The following SPINK5 variants were observed in gnomAD, a reference collection of about 807,000 sequenced individuals.
The protein encoded by SPINK5 is serine protease inhibitor Kazal-type 5.
Under a neutral mutation model 151.8 loss-of-function variants are expected in SPINK5, and 125 were observed. The observed-to-expected ratio is 0.82, with a 90% CI of 0.71 to 0.96. The LOEUF (loss-of-function observed/expected upper bound fraction) is 0.96. Among genes scored for constraint, SPINK5 ranks in the 40% least tolerant of loss-of-function variants. SPINK5 has a pLI of 0.00. For synonymous variants in SPINK5, 374 were observed against 395.3 expected, an observed-to-expected ratio of 0.95 and a Z score of 0.64; for missense variants, 1,194 against 1,291.9, an observed-to-expected ratio of 0.92 and a Z score of 1.16.
intron 28 of SPINK5, 108 bp from the exon 29 acceptor site, chr5:148,125,615 T>G: frequency 6.2e-7 from 1 of 1,614,150 alleles, no homozygotes. Flanking sequence ...ATGAGTACAG[T>G]GAGTCTGAGC....
At position 148,127,209 on chromosome 5, in the gene SPINK5, A is replaced by G. The variant is rs1374044572; in HGVS notation, c.2964+130A>G. The G allele has an allele frequency of 1.7e-5, 12 of 723,962 alleles. No individual in the cohort carries two copies. The Admixed American group carries it at 2.1e-4, about 13-fold the overall frequency. The allele number at this position is 723,962 out of a possible 1,614,324, so 44.8% of individuals were successfully genotyped here. ...ATTCAGTGCAGCCTGAAGTCCTTTG[A>G]GGACTATATGCAGTTTATGCTTGGT... is the stretch of plus-strand genomic sequence containing the variant. On this transcript the variant is annotated intron_variant, in intron 30 of 32. Transcript: ENST00000256084.
At chr5:148,106,380 G>A (rs1399281871) in intron 16 of SPINK5, among the ~76,000 whole-genome samples, 1 of 151,926 alleles carries the variant, frequency 6.6e-6, no homozygotes, top group Non-Finnish European at 1.5e-5. Context: ...GTAGTGTAGT[G>A]GTGCGATCAA....
chr5:148,116,042 G>A (rs958380258), intron 21 of SPINK5, among the ~76,000 whole-genome samples: 1 of 151,902 alleles, frequency 6.6e-6, no homozygotes, highest in Non-Finnish European at 1.5e-5. Flanking sequence ...GACTGGTCTC[G>A]AACTCCTGAC....
At position 148,105,007 on chromosome 5, in the gene SPINK5, T is replaced by G; in HGVS notation, c.1479+7T>G. Reference sequence around the variant, plus strand: ...TAAAAGAGAAGCTGCAAAGGTAATATTCTCAGGAATGCTGATGCTGTGCCC... The same window carrying G: ...TAAAAGAGAAGCTGCAAAGGTAATAGTCTCAGGAATGCTGATGCTGTGCCC... On this transcript the variant is annotated splice_region_variant and intron_variant, in intron 16 of 32. Coordinates refer to ENST00000256084, the MANE Select transcript of SPINK5 (RefSeq NM_006846.4). 1.2e-6 allele frequency: 2 copies of G among 1,613,690 alleles called. No individual in the cohort carries two copies. Among genetic ancestry groups the G allele is most frequent in the Non-Finnish European group, 1.7e-6 (2 of 1,179,678 alleles).
At chr5:148,110,721 C>A (rs58451856) in intron 18 of SPINK5, among the ~76,000 whole-genome samples, 1 of 151,692 alleles carries the variant, frequency 6.6e-6, no homozygotes, top group African/African-American at 2.4e-5. Context: ...CATCACACAC[C>A]GGGGCCTGTT....
intron 16 of SPINK5, among the ~76,000 whole-genome samples, chr5:148,106,274 A>T (rs959947569): frequency 5.3e-5 from 8 of 152,014 alleles, no homozygotes; most frequent in African/African-American, 1.9e-4. Context: ...TTCTCCAGGG[A>T]TCAGACTTAT....
At chr5:148,091,488 T>C (rs915098997) in intron 8 of SPINK5, among the ~76,000 whole-genome samples, 4 of 151,816 alleles carry the variant, frequency 2.6e-5, no homozygotes, top group Non-Finnish European at 4.4e-5. Flanking sequence ...CAAAAGAAGA[T>C]ATAAGATAGA....
intron 26 of SPINK5, among the ~76,000 whole-genome samples, chr5:148,121,143 CAAAAAAAAAA>C (rs767012594): frequency 1.7e-4 from 12 of 68,670 alleles, no homozygotes; most frequent in Middle Eastern, 0.013. Flanking sequence ...GACTCTGTCT[CAAAAAAAAAA>C]AAAAAAAAAA....
intron 31 of SPINK5, among the ~76,000 whole-genome samples, chr5:148,133,502 C>A (rs1045573511): frequency 6.6e-6 from 1 of 152,088 alleles, no homozygotes; most frequent in Non-Finnish European, 1.5e-5. Flanking sequence ...TCTATAAATG[C>A]GAGATCACCT....
At chr5:148,088,844 A>G (rs1753230793) in intron 6 of SPINK5, among the ~76,000 whole-genome samples, 2 of 151,286 alleles carry the variant, frequency 1.3e-5, no homozygotes, top group South Asian at 2.1e-4. Flanking sequence ...ATAAAAAAAA[A>G]AAGAAGAAGA....
At chr5:148,084,928 T>A (rs1222012066) in intron 4 of SPINK5, among the ~76,000 whole-genome samples, 1 of 151,934 alleles carries the variant, frequency 6.6e-6, no homozygotes, top group Admixed American at 6.6e-5. Flanking sequence ...CATATCTGTC[T>A]CTTTCTATCA....
chr5:148,067,385 G>T (rs549819914), intron 2 of SPINK5, among the ~76,000 whole-genome samples: 1 of 152,104 alleles, frequency 6.6e-6, no homozygotes, highest in East Asian at 1.9e-4. Flanking sequence ...ACAGGCCAGG[G>T]ACTGGAAGTT....
intron 26 of SPINK5, among the ~76,000 whole-genome samples, chr5:148,123,172 G>A (rs1418322275): frequency 2.0e-5 from 3 of 151,232 alleles, no homozygotes; most frequent in Admixed American, 6.6e-5. Context: ...AACACAGAGA[G>A]ACTCCCGTCT....
intron 4 of SPINK5, among the ~76,000 whole-genome samples, chr5:148,080,352 T>A (rs1000916361): frequency 1.3e-5 from 2 of 151,376 alleles, no homozygotes; most frequent in African/African-American, 4.8e-5. Flanking sequence ...CCAATCAAAA[T>A]CTTGTCAGTC....
chr5:148,128,674 G>A (rs1036410881), intron 30 of SPINK5, among the ~76,000 whole-genome samples: 26 of 152,082 alleles, frequency 1.7e-4, no homozygotes, highest in South Asian at 2.1e-4. Context: ...GACTACAGGT[G>A]CCCGCCACCA....
chr5:148,084,582 G>A (rs1410683891), intron 4 of SPINK5, among the ~76,000 whole-genome samples: 1 of 151,800 alleles, frequency 6.6e-6, no homozygotes, highest in African/African-American at 2.4e-5. Flanking sequence ...TGATTTTCTG[G>A]GGAAGGGGGA....
intron 32 of SPINK5, among the ~76,000 whole-genome samples, chr5:148,136,526 T>C (rs1002932740): frequency 2.8e-4 from 42 of 152,292 alleles, no homozygotes; most frequent in Non-Finnish European, 5.6e-4. Context: ...ATTTCAAATA[T>C]ATGGATGAGT....
chr5:148,111,900 G>A lies in SPINK5; in HGVS notation c.1820+5G>A, dbSNP rs1753942982. The A allele has an allele frequency of 6.2e-7, 1 of 1,613,938 alleles. No homozygotes were observed. Among genetic ancestry groups the A allele is most frequent in the Non-Finnish European group, 8.5e-7 (1 of 1,179,876 alleles). ...CTCCATGTGTGAAGCCTTCTTGTGAGTGGGCGGCAGCCACTGCTGCTACTG... is the reference window on the plus strand; with the variant it reads ...CTCCATGTGTGAAGCCTTCTTGTGAATGGGCGGCAGCCACTGCTGCTACTG... On this transcript the variant is annotated splice_donor_5th_base_variant and intron_variant, in intron 19 of 32. Transcript: ENST00000256084.
At chr5:148,124,114 A>G (rs1010491132) in intron 27 of SPINK5, among the ~76,000 whole-genome samples, 154 bp downstream of exon 27, 2 of 152,192 alleles carry the variant, frequency 1.3e-5, no homozygotes, top group Non-Finnish European at 2.9e-5. Flanking sequence ...GCACTTTCAC[A>G]ATAATTTTTT....
Sources: gnomAD v4.1 joint callset for allele counts (sites outside exome capture counted in the v4.1 genomes callset) on GRCh38, gnomAD v4.1.1 for gene constraint, MANE v1.5 for transcripts, NCBI Gene and HGNC (gene_info 2026-07-23, HGNC 2026-07-21) for gene names.